Variants in PODNL1 observed in about 807,000 individuals in gnomAD.
PODNL1 encodes podocan like 1.
Under a neutral mutation model 45.1 loss-of-function variants are expected in PODNL1, and 50 were observed. The observed-to-expected ratio is 1.11, with a 90% CI of 0.88 to 1.40. PODNL1 has a LOEUF of 1.40. Ranked by LOEUF, PODNL1 falls within the 40% of genes most tolerant of loss-of-function variation. PODNL1 has a pLI of 0.00. For synonymous variants in PODNL1, 406 were observed against 372.5 expected, an observed-to-expected ratio of 1.09 and a Z score of -1.04; for missense variants, 788 against 793.3, an observed-to-expected ratio of 0.99 and a Z score of 0.08.
chr19:13,953,119 C>T (rs1260862029), exon 1 of PODNL1: 4 of 1,549,768 alleles, frequency 2.6e-6, no homozygotes, highest in Non-Finnish European at 2.6e-6. Context: ...GTTCCAGTAC[C>T]TGGGTGGGCC....
At chr19:13,935,471 C>T (rs545614947) in intron 5 of PODNL1, among the ~76,000 whole-genome samples, 4 of 152,154 alleles carry the variant, frequency 2.6e-5, no homozygotes, top group East Asian at 1.9e-4. Context: ...GGATTACAGG[C>T]GCACACCACC....
chr19:13,933,296 C>A lies in PODNL1; in HGVS notation c.927G>T (p.Leu309Phe). The A allele has an allele frequency of 1.3e-6, 2 of 1,582,604 alleles. No individual in the cohort carries two copies. Among genetic ancestry groups the A allele is most frequent in the Non-Finnish European group, 1.7e-6 (2 of 1,169,292 alleles). Residue 309 changes from leucine (L) to phenylalanine (F), a missense_variant, in exon 8 of 10, where the codon TTG becomes TTT. Leu to Phe is a conservative substitution (Grantham distance 22). Transcript: ENST00000588872. The surrounding 1 kb of genome is among the most constrained non-coding windows in gnomAD (Gnocchi z 5.2). ...RLHGARGLRYLLLQHNQLGSS... is the reference protein window; with the variant it reads ...RLHGARGLRYFLLQHNQLGSS... ...TCCCCAGCTGGTTGTGCTGCAGCAA[C>A]AAATAGCGCAGACCACGCGCCCCGT...
Position 13,932,091 on chromosome 19 carries a change from C to T in PODNL1, c.1447G>A (p.Glu483Lys), listed in dbSNP as rs1028785631. 2 of 1,233,280 alleles carry T rather than the reference C, an allele frequency of 1.6e-6. No individual in the cohort carries two copies. Among genetic ancestry groups the T allele is most frequent in the Non-Finnish European group, 2.0e-6 (2 of 988,854 alleles). 76.4% of individuals were successfully genotyped at this position (1,233,280 alleles called of 1,614,324 possible). ...AGGTCCGGGGGCACAAAGGACAGCT[C>T]ATTGTGGCTGAGGTCCAGCATCTGG... ...ALQMLDLSHNELSFVPPDLPE... is the reference protein window; with the variant it reads ...ALQMLDLSHNKLSFVPPDLPE... The change falls in exon 9 of 10, where the codon GAG becomes AAG. Residue 483 changes from glutamate (E) to lysine (K), a missense_variant. By Grantham distance (56) the Glu-to-Lys change is moderately conservative (BLOSUM62 1). Coordinates refer to ENST00000588872, the MANE Select transcript of PODNL1 (RefSeq NM_001370095.3).
At chr19:13,938,124 A>C in intron 1 of PODNL1, 55 bp downstream of exon 1, 1 of 1,521,906 alleles carries the variant, frequency 6.6e-7, no homozygotes, top group Non-Finnish European at 8.9e-7. Flanking sequence ...TTGGCAGAGC[A>C]GGGGTGGGGG....
intron 1 of PODNL1, among the ~76,000 whole-genome samples, chr19:13,947,159 A>C: frequency 7.5e-6 from 1 of 133,042 alleles, no homozygotes; most frequent in African/African-American, 2.9e-5. Context: ...AAAGAGCAAG[A>C]CTCCATCTCA....
At chr19:13,938,429 C>A (rs373775412), upstream of PODNL1, 6 of 1,300,044 alleles carry the variant, frequency 4.6e-6, no homozygotes, top group South Asian at 2.6e-5. Context: ...TCCCCTTGGT[C>A]CCCCCCAACA....
upstream of PODNL1, among the ~76,000 whole-genome samples, chr19:13,939,129 TA>T (rs1385828514): frequency 6.6e-6 from 1 of 152,138 alleles, no homozygotes; most frequent in African/African-American, 2.4e-5. Flanking sequence ...TTCCCACACA[TA>T]AAATGGGATT....
rs755579655 is a variant in PODNL1 at position 13,936,479 on chromosome 19, G to T, written c.226-19C>A. On this transcript the variant is annotated intron_variant, in intron 2 of 9. Transcript: ENST00000588872. ...GGTTGTTCTGCAGGGTGAGAGTTGG[G>T]GTGTTCACACCCGTGACCCCGTGAC... 7.5e-6 allele frequency: 12 copies of T among 1,596,982 alleles called. No individual in the cohort carries two copies. Among genetic ancestry groups the T allele is most frequent in the Non-Finnish European group, 8.6e-6 (10 of 1,165,120 alleles).
intron 1 of PODNL1, among the ~76,000 whole-genome samples, chr19:13,948,906 C>T (rs1198374384): frequency 1.3e-5 from 2 of 150,824 alleles, no homozygotes; most frequent in East Asian, 3.9e-4. Context: ...GTGCCACAGT[C>T]CTCCAGCCTG....
intron 1 of PODNL1, among the ~76,000 whole-genome samples, chr19:13,945,440 A>G (rs1972784168): frequency 6.6e-6 from 1 of 151,832 alleles, no homozygotes; most frequent in South Asian, 2.1e-4. Context: ...GGATTGCATG[A>G]GCCCGGGAGT....
chr19:13,952,305 A>C (rs904823837), intron 1 of PODNL1, among the ~76,000 whole-genome samples: 1 of 152,248 alleles, frequency 6.6e-6, no homozygotes, highest in Non-Finnish European at 1.5e-5. Flanking sequence ...GTACGTCCTT[A>C]AGGCGGGGCG....
At chr19:13,940,680 C>T (rs1325771029), upstream of PODNL1, among the ~76,000 whole-genome samples, 2 of 150,546 alleles carry the variant, frequency 1.3e-5, no homozygotes. Context: ...GTCAGGAGTT[C>T]GAGACCAGCC....
intron 1 of PODNL1, chr19:13,953,115 G>A (rs367921705): frequency 1.5e-5 from 24 of 1,550,404 alleles, no homozygotes; most frequent in Non-Finnish European, 2.0e-5. Flanking sequence ...GGGAGTTCCA[G>A]TACCTGGGTG....
chr19:13,937,747 C>CA, intron 2 of PODNL1, 38 bp downstream of exon 2: 2 of 1,538,910 alleles, frequency 1.3e-6, no homozygotes, highest in Non-Finnish European at 1.8e-6. Flanking sequence ...CACTGGGTCT[C>CA]AGCCCTGCAT....
Position 13,937,848 on chromosome 19 carries a change from A to T in PODNL1, c.162T>A (p.Asp54Glu). The T allele has an allele frequency of 6.3e-7, 1 of 1,595,204 alleles. No homozygotes were observed. Residue 54 changes from aspartate (D) to glutamate (E), a missense_variant, in exon 2 of 10, where the codon GAT becomes GAA. This residue lies in a region of PODNL1 where 762 missense variants were observed against 750.9 expected (regional missense o/e 1.01). Coordinates refer to ENST00000588872, the MANE Select transcript of PODNL1 (RefSeq NM_001370095.3). ...SCPRVDTVDC[D>E]GLDLRVFPDN... Reference sequence around the variant, plus strand: ...CCGGGAACACTCGAAGGTCCAAGCCATCACAGTCCACAGTGTCGACTCGGG... The same window carrying T: ...CCGGGAACACTCGAAGGTCCAAGCCTTCACAGTCCACAGTGTCGACTCGGG...
chr19:13,952,696 CGAGGGAGGCG>C, intron 1 of PODNL1: 2 of 946,340 alleles, frequency 2.1e-6, no homozygotes, highest in Non-Finnish European at 2.5e-6. Flanking sequence ...GGAGTAGGGA[CGAGGGAGGCG>C]GAGGGAGGAG....
At chr19:13,936,608 A>G (rs1972371768) in intron 2 of PODNL1, 148 bp from the exon 3 acceptor site, 2 of 623,784 alleles carry the variant, frequency 3.2e-6, no homozygotes, top group Non-Finnish European at 5.7e-6. Flanking sequence ...ACTCTGACCC[A>G]GTCTTATAAC....
upstream of PODNL1, among the ~76,000 whole-genome samples, chr19:13,943,462 CTTTA>C (rs536763652): frequency 5.9e-4 from 90 of 152,040 alleles, no homozygotes; most frequent in South Asian, 2.9e-3. Context: ...CCTCTCCTGT[CTTTA>C]TTTATTTATT....
upstream of PODNL1, among the ~76,000 whole-genome samples, chr19:13,940,212 C>T (rs1972606650): frequency 6.6e-6 from 1 of 151,426 alleles, no homozygotes. Flanking sequence ...TGGCTCTAAG[C>T]CCAGGAGTTT....
Sources: allele counts gnomAD v4.1 joint callset (sites outside exome capture counted in the v4.1 genomes callset), GRCh38; gene constraint gnomAD v4.1.1; regional missense constraint gnomAD v4.1.1; non-coding constraint Gnocchi (gnomAD v3.1); transcripts MANE v1.5; gene names NCBI Gene and HGNC (gene_info 2026-07-23, HGNC 2026-07-21).